The following MIPOL1 variants were observed in gnomAD, a reference collection of about 807,000 sequenced individuals.
MIPOL1 encodes mirror-image polydactyly gene 1 protein.
A neutral mutation model predicts 60.9 loss-of-function variants in MIPOL1; 57 were observed. The ratio of observed to expected loss-of-function variants is 0.94; its 90% CI spans 0.76 to 1.17. MIPOL1 has a LOEUF of 1.17. Ranked by LOEUF, MIPOL1 falls within the 50% of genes most tolerant of loss-of-function variation. MIPOL1 has a pLI of 0.00. For missense variants in MIPOL1, 551 were observed against 511.6 expected (o/e 1.08, Z -0.74); for synonymous variants, 179 against 168.8 (o/e 1.06, Z -0.47).
chr14:37,251,187 A>C (rs950953695), intron 3 of MIPOL1, among the ~76,000 whole-genome samples: 11 of 152,166 alleles, frequency 7.2e-5, no homozygotes, highest in Non-Finnish European at 1.3e-4. Context: ...CAGCCTCCTG[A>C]GTAGCTTGGA....
intron 11 of MIPOL1, among the ~76,000 whole-genome samples, chr14:37,445,052 T>C (rs1435490389): frequency 6.6e-6 from 1 of 151,998 alleles, no homozygotes; most frequent in African/African-American, 2.4e-5. Context: ...TCCTATTCAT[T>C]ATAGTGTTGG....
chr14:37,373,686 T>G (rs1859965693), intron 10 of MIPOL1, among the ~76,000 whole-genome samples: 1 of 152,178 alleles, frequency 6.6e-6, no homozygotes, highest in Admixed American at 6.5e-5. Context: ...GATTTCCAAC[T>G]TCGTCCATGT....
intron 11 of MIPOL1, among the ~76,000 whole-genome samples, chr14:37,459,749 A>G (rs1254861016): frequency 6.6e-6 from 1 of 152,180 alleles, no homozygotes; most frequent in African/African-American, 2.4e-5. Context: ...ATCCCTAAAA[A>G]GCATAGATGT....
chr14:37,412,919 A>T (rs1217472539), intron 10 of MIPOL1, among the ~76,000 whole-genome samples: 1 of 152,144 alleles, frequency 6.6e-6, no homozygotes. Flanking sequence ...AGAAGTAATA[A>T]TTAAAATGGG....
chr14:37,500,207 C>G (rs1166255792), intron 12 of MIPOL1, 69 bp downstream of exon 12: 1 of 1,047,004 alleles, frequency 9.6e-7, no homozygotes, highest in African/African-American at 1.6e-5. Context: ...CTTTTGGGAA[C>G]TAAACAATAT....
intron 1 of MIPOL1, among the ~76,000 whole-genome samples, chr14:37,235,402 T>G (rs891602014): frequency 6.6e-6 from 1 of 152,178 alleles, no homozygotes; most frequent in Non-Finnish European, 1.5e-5. Flanking sequence ...TGCTGCAGTG[T>G]TAGGGAATCC....
intron 9 of MIPOL1, among the ~76,000 whole-genome samples, chr14:37,319,549 A>T (rs138773367): frequency 1.4e-3 from 216 of 152,306 alleles, no homozygotes; most frequent in African/African-American, 4.8e-3. Flanking sequence ...AAGTCTGAGG[A>T]GACCAATGAT....
At chr14:37,452,209 C>T (rs1370129553) in intron 11 of MIPOL1, among the ~76,000 whole-genome samples, 1 of 152,084 alleles carries the variant, frequency 6.6e-6, no homozygotes, top group African/African-American at 2.4e-5. Flanking sequence ...CAATGCAGTC[C>T]TAATAACAAA....
At chr14:37,463,170 T>C (rs1200811672) in intron 11 of MIPOL1, among the ~76,000 whole-genome samples, 1 of 152,314 alleles carries the variant, frequency 6.6e-6, no homozygotes, top group East Asian at 1.9e-4. Flanking sequence ...TCACATCTTA[T>C]GTGGATGTCA....
intron 9 of MIPOL1, among the ~76,000 whole-genome samples, chr14:37,319,674 A>G (rs1385962694): frequency 6.6e-6 from 1 of 152,110 alleles, no homozygotes; most frequent in African/African-American, 2.4e-5. Context: ...TGAGGGTATA[A>G]CTTGAAGGGA....
chr14:37,372,917 G>C (rs965921723), intron 10 of MIPOL1, among the ~76,000 whole-genome samples: 2 of 151,966 alleles, frequency 1.3e-5, no homozygotes, highest in African/African-American at 4.8e-5. Flanking sequence ...TTAAAAAACA[G>C]CTTATTTTCT....
chr14:37,238,965 A>ATAAT, intron 1 of MIPOL1, among the ~76,000 whole-genome samples: 1 of 151,714 alleles, frequency 6.6e-6, no homozygotes, highest in East Asian at 1.9e-4. Flanking sequence ...AAAAAAAGTA[A>ATAAT]TATATATATT....
At chr14:37,434,015 T>A (rs2094122119) in intron 11 of MIPOL1, among the ~76,000 whole-genome samples, 1 of 152,210 alleles carries the variant, frequency 6.6e-6, no homozygotes, top group Non-Finnish European at 1.5e-5. Context: ...GTCTTTATCA[T>A]AAAATGATTT....
intron 10 of MIPOL1, among the ~76,000 whole-genome samples, chr14:37,408,171 T>A (rs967249397): frequency 2.6e-5 from 4 of 151,992 alleles, no homozygotes; most frequent in African/African-American, 9.7e-5. Flanking sequence ...CACACTCAAC[T>A]CTCCTAGTAT....
intron 10 of MIPOL1, among the ~76,000 whole-genome samples, chr14:37,391,519 C>T (rs1313039956): frequency 6.6e-6 from 1 of 151,730 alleles, no homozygotes; most frequent in Non-Finnish European, 1.5e-5. Flanking sequence ...CCTCAGCCTC[C>T]CAAGTAGCTG....
chr14:37,239,275 G>C (rs1324151062), intron 1 of MIPOL1, among the ~76,000 whole-genome samples: 1 of 151,962 alleles, frequency 6.6e-6, no homozygotes, highest in Non-Finnish European at 1.5e-5. Context: ...TCGATCTCCT[G>C]ACCTTGTGAT....
chr14:37,492,212 A>T (rs1465562624), intron 11 of MIPOL1, among the ~76,000 whole-genome samples: 1 of 152,220 alleles, frequency 6.6e-6, no homozygotes, highest in Non-Finnish European at 1.5e-5. Flanking sequence ...AGTAGACATT[A>T]TCCTTTCAGA....
At chr14:37,463,547 G>T (rs1161934419) in intron 11 of MIPOL1, among the ~76,000 whole-genome samples, 1 of 152,128 alleles carries the variant, frequency 6.6e-6, no homozygotes, top group Non-Finnish European at 1.5e-5. Context: ...GGAAAAATTG[G>T]ATAGCCATAT....
intron 9 of MIPOL1, among the ~76,000 whole-genome samples, chr14:37,317,559 TCC>T (rs2153442676): frequency 6.6e-6 from 1 of 152,166 alleles, no homozygotes; most frequent in South Asian, 2.1e-4. Flanking sequence ...CTGTGGACTC[TCC>T]CTTATGTAAA....
Sources: allele counts gnomAD v4.1 joint callset (sites outside exome capture counted in the v4.1 genomes callset), GRCh38; gene constraint gnomAD v4.1.1; transcripts MANE v1.5; gene names NCBI Gene and HGNC (gene_info 2026-07-23, HGNC 2026-07-21).